HSD17B12: variants seen among roughly 807,000 people sequenced by gnomAD.
HSD17B12 encodes very-long-chain 3-oxoacyl-CoA reductase.
Under a neutral mutation model 39.3 loss-of-function variants are expected in HSD17B12, and 32 were observed. The ratio of observed to expected loss-of-function variants is 0.81; its 90% CI spans 0.61 to 1.09. The LOEUF is 1.09. HSD17B12 is among the 50% of genes least tolerant of loss of function. HSD17B12 has a pLI of 0.00. For missense variants in HSD17B12, 342 were observed against 382.9 expected, an observed-to-expected ratio of 0.89 and a Z score of 0.89; for synonymous variants, 150 against 146.7, an observed-to-expected ratio of 1.02 and a Z score of -0.16.
intron 7 of HSD17B12, among the ~76,000 whole-genome samples, chr11:43,837,137 G>A (rs1306939532): frequency 6.6e-6 from 1 of 152,154 alleles, no homozygotes; most frequent in Non-Finnish European, 1.5e-5. Flanking sequence ...ATCTCACCTA[G>A]AGGCTGGCAG....
chr11:43,583,762 C>A, the HSD17B12 span, among the ~76,000 whole-genome samples: 1 of 152,130 alleles, frequency 6.6e-6, no homozygotes, highest in African/African-American at 2.4e-5. Context: ...GAACCAGGGG[C>A]CTGATGGAAA....
At chr11:43,618,808 A>G in the HSD17B12 span, among the ~76,000 whole-genome samples, 2 of 152,160 alleles carry the variant, frequency 1.3e-5, no homozygotes, top group Non-Finnish European at 2.9e-5. Flanking sequence ...CAGAAACTTC[A>G]TAGTTTAGGG....
chr11:43,753,703 T>A (rs1950485596), intron 2 of HSD17B12, among the ~76,000 whole-genome samples: 1 of 151,958 alleles, frequency 6.6e-6, no homozygotes, highest in African/African-American at 2.4e-5. Flanking sequence ...CGTGAACCAC[T>A]GTGCTTGGCA....
intron 4 of HSD17B12, among the ~76,000 whole-genome samples, chr11:43,810,367 T>TATATA (rs1951058485): frequency 1.7e-5 from 1 of 59,700 alleles, no homozygotes. Flanking sequence ...AATTTAGAAA[T>TATATA]TATATATATA....
At chr11:43,795,603 A>T (rs1027801183) in intron 3 of HSD17B12, among the ~76,000 whole-genome samples, 22 of 152,154 alleles carry the variant, frequency 1.4e-4, no homozygotes, top group Non-Finnish European at 2.2e-4. Context: ...TATAAAAGGG[A>T]CATATCACAG....
the HSD17B12 span, among the ~76,000 whole-genome samples, chr11:43,597,535 A>G: frequency 1.3e-5 from 2 of 152,228 alleles, no homozygotes; most frequent in East Asian, 3.8e-4. Flanking sequence ...TGATAATATT[A>G]GAGTGGTTTG....
the HSD17B12 span, among the ~76,000 whole-genome samples, chr11:43,566,020 A>T: frequency 7.4e-3 from 914 of 122,738 alleles, 12 homozygotes; most frequent in East Asian, 0.041. Context: ...CCAGGGCCCA[A>T]AGAGGGGATG....
Position 43,759,959 on chromosome 11 carries a change from G to A in HSD17B12, c.283+5838G>A, listed in dbSNP as rs11037604. ...CATTCAGCCTGGAGTTCAATGGCAC[G>A]ATCTTGGCTCACTGCAACCTACGTC... On this transcript the variant is annotated intron_variant, in intron 3 of 10. Coordinates refer to ENST00000278353, the MANE Select transcript of HSD17B12 (RefSeq NM_016142.3). 3.9e-3 allele frequency among the ~76,000 whole-genome samples: 591 copies of A among 151,742 alleles called. 6 individuals carry two copies. In the East Asian group the frequency reaches 0.044, roughly 11 times the overall value.
At chr11:43,630,257 C>G in the HSD17B12 span, among the ~76,000 whole-genome samples, 2 of 152,126 alleles carry the variant, frequency 1.3e-5, no homozygotes. Flanking sequence ...CTGGGCAAAT[C>G]ATTTCCTTTC....
In HSD17B12 at chr11:43,715,310, A is replaced by G. The variant is rs549494133; in HGVS notation, c.160+34323A>G. 4.5e-3 allele frequency among the ~76,000 whole-genome samples: 683 copies of G among 152,140 alleles called. 3 individuals carry two copies. Among genetic ancestry groups the G allele is most frequent in the Non-Finnish European group, 7.8e-3 (528 of 67,996 alleles). On this transcript the variant is annotated intron_variant, in intron 1 of 10. Coordinates refer to ENST00000278353, the MANE Select transcript of HSD17B12 (RefSeq NM_016142.3). ...TTGAGATACGTCCCATCAATACCTA[A>G]TTTATTGAGAGTTTTTAGCATGAAG...
chr11:43,759,416 T>G (rs1224472168), intron 3 of HSD17B12, among the ~76,000 whole-genome samples: 1 of 152,162 alleles, frequency 6.6e-6, no homozygotes, highest in Non-Finnish European at 1.5e-5. Context: ...AAATTACAGT[T>G]CTTTGTAAGG....
chr11:43,612,640 A>G, the HSD17B12 span, among the ~76,000 whole-genome samples: 7 of 152,328 alleles, frequency 4.6e-5, no homozygotes, highest in East Asian at 1.2e-3. Flanking sequence ...TCCTGAGCTC[A>G]GGCAATTCAC....
chr11:43,690,302 T>C (rs1043743456), intron 1 of HSD17B12, among the ~76,000 whole-genome samples: 3 of 144,838 alleles, frequency 2.1e-5, no homozygotes, highest in Non-Finnish European at 4.5e-5. Flanking sequence ...CTGTACACAG[T>C]AAGTGCCAAT....
the HSD17B12 span, chr11:43,581,476 G>C: frequency 7.9e-6 from 4 of 508,584 alleles, no homozygotes; most frequent in African/African-American, 1.9e-5. The surrounding 1 kb of genome is among the most constrained non-coding windows in gnomAD (Gnocchi z 4.9). Flanking sequence ...AAGCATTTGC[G>C]GAGGGCGCAC....
intron 3 of HSD17B12, among the ~76,000 whole-genome samples, chr11:43,776,213 G>T (rs1950702144): frequency 6.6e-6 from 1 of 152,120 alleles, no homozygotes; most frequent in South Asian, 2.1e-4. Context: ...CTAGTTTACA[G>T]TCCCACCAAC....
At chr11:43,758,326 A>G (rs1437999986) in intron 3 of HSD17B12, among the ~76,000 whole-genome samples, 4 of 152,138 alleles carry the variant, frequency 2.6e-5, no homozygotes, top group Admixed American at 6.5e-5. Flanking sequence ...GAGAACGCCA[A>G]TCTTGGGAGA....
At chr11:43,848,617 A>T (rs1363766651) in intron 9 of HSD17B12, 1 of 152,248 alleles carries the variant, frequency 6.6e-6, no homozygotes, top group Non-Finnish European at 1.5e-5. Context: ...TTTAATTCTC[A>T]TGATAGTATA....
At chr11:43,829,538 T>G (rs963130855) in intron 6 of HSD17B12, among the ~76,000 whole-genome samples, 6 of 152,132 alleles carry the variant, frequency 3.9e-5, no homozygotes, top group Admixed American at 2.6e-4. Context: ...GCTCCTGATA[T>G]TCCCCCATCT....
chr11:43,592,942 T>C, the HSD17B12 span, among the ~76,000 whole-genome samples: 2 of 152,140 alleles, frequency 1.3e-5, no homozygotes, highest in Non-Finnish European at 1.5e-5. Context: ...TCCTCACTGG[T>C]TGAGGGAGAA....
Sources: gnomAD v4.1 joint callset for allele counts (sites outside exome capture counted in the v4.1 genomes callset) on GRCh38, gnomAD v4.1.1 for gene constraint, Gnocchi (gnomAD v3.1) non-coding constraint, MANE v1.5 for transcripts, NCBI Gene and HGNC (gene_info 2026-07-23, HGNC 2026-07-21) for gene names.